The following SEMA3A variants were observed in gnomAD, a reference collection of about 807,000 sequenced individuals.
SEMA3A encodes the protein semaphorin 3A, also known as semaphorin-3A.
In SEMA3A, 29 loss-of-function variants were observed where a neutral mutation model predicts 97.9. That is an observed-to-expected ratio of 0.30 (90% CI 0.22 to 0.40). The LOEUF is 0.40. SEMA3A is among the 10% of genes least tolerant of loss of function. The pLI is 1.00. For missense variants in SEMA3A, 763 were observed against 951.3 expected (o/e 0.80, Z 2.60); for synonymous variants, 321 against 323.7 (o/e 0.99, Z 0.09).
chr7:84,229,053 G>A (rs1310828317), intron 3 of SEMA3A, among the ~76,000 whole-genome samples: 1 of 151,478 alleles, frequency 6.6e-6, no homozygotes, highest in Non-Finnish European at 1.5e-5. Context: ...TCTCCTTTTT[G>A]GTTTTTTGTC....
At chr7:84,455,040 T>G (rs916657372) in intron 1 of SEMA3A, among the ~76,000 whole-genome samples, 1 of 152,004 alleles carries the variant, frequency 6.6e-6, no homozygotes, top group African/African-American at 2.4e-5. Flanking sequence ...TCAATAGTTC[T>G]CATTTTATGA....
At chr7:84,369,668 T>A (rs1802930208) in intron 2 of SEMA3A, among the ~76,000 whole-genome samples, 1 of 150,834 alleles carries the variant, frequency 6.6e-6, no homozygotes, top group Admixed American at 6.7e-5. Flanking sequence ...ATCTAGTATA[T>A]TTCAGGTGAA....
intron 6 of SEMA3A, among the ~76,000 whole-genome samples, chr7:84,034,466 C>T (rs1393478685): frequency 6.6e-6 from 1 of 152,124 alleles, no homozygotes; most frequent in Non-Finnish European, 1.5e-5. Flanking sequence ...TTACAACTAA[C>T]TTTTTGCAGA....
At chr7:84,293,518 T>A (rs1013724731) in intron 3 of SEMA3A, among the ~76,000 whole-genome samples, 1 of 152,012 alleles carries the variant, frequency 6.6e-6, no homozygotes, top group African/African-American at 2.4e-5. Context: ...AATTTTCAGA[T>A]GCAAAAAATA....
chr7:84,230,269 C>T (rs1799089316), intron 3 of SEMA3A, among the ~76,000 whole-genome samples: 1 of 151,842 alleles, frequency 6.6e-6, no homozygotes. Context: ...TTTTTCTTTT[C>T]AGTCTAACAA....
intron 1 of SEMA3A, among the ~76,000 whole-genome samples, chr7:84,141,803 T>G (rs1045241311): frequency 5.9e-5 from 9 of 152,204 alleles, no homozygotes; most frequent in African/African-American, 2.2e-4. Flanking sequence ...TTTCTGTTCC[T>G]GCATTAGTTT....
chr7:84,237,600 T>A (rs552744811), intron 3 of SEMA3A, among the ~76,000 whole-genome samples: 1 of 152,072 alleles, frequency 6.6e-6, no homozygotes, highest in Non-Finnish European at 1.5e-5. Context: ...GATACTATTA[T>A]TGTCTTTATT....
At chr7:84,422,468 G>C (rs1412245158) in intron 1 of SEMA3A, among the ~76,000 whole-genome samples, 6 of 151,764 alleles carry the variant, frequency 4.0e-5, no homozygotes, top group African/African-American at 7.3e-5. Flanking sequence ...CAAAAAACCA[G>C]CTCCTAGATT....
chr7:84,093,172 T>G (rs3801619), intron 4 of SEMA3A, among the ~76,000 whole-genome samples: 62,412 of 151,610 alleles, frequency 0.41, 14,646 homozygotes, highest in Admixed American at 0.52. Context: ...ACCATGTAAC[T>G]TTTTGCACAA....
At chr7:84,179,939 T>A (rs1797686511) in intron 1 of SEMA3A, among the ~76,000 whole-genome samples, 1 of 145,234 alleles carries the variant, frequency 6.9e-6, no homozygotes, top group East Asian at 2.0e-4. Flanking sequence ...GTATGTTTAG[T>A]CAATGCATCT....
At chr7:84,443,556 G>T (rs1399488195) in intron 1 of SEMA3A, among the ~76,000 whole-genome samples, 1 of 152,098 alleles carries the variant, frequency 6.6e-6, no homozygotes, top group African/African-American at 2.4e-5. Context: ...AGACTGTAAG[G>T]TGAATGACTC....
chr7:84,443,979 T>C lies in SEMA3A; in HGVS notation c.-246+48481A>G, dbSNP rs546588449. 2.1e-4 allele frequency among the ~76,000 whole-genome samples: 31 copies of C among 145,648 alleles called. 2 individuals carry two copies. The South Asian group carries it at 6.3e-3, about 29-fold the overall frequency. Reference sequence around the variant, plus strand: ...TTGGCTCCCTTCAACCTCCACCTCCTGGGTTCAAGCGATTCTCCTGCCTCA... The same window carrying C: ...TTGGCTCCCTTCAACCTCCACCTCCCGGGTTCAAGCGATTCTCCTGCCTCA... On this transcript the variant is annotated intron_variant, in intron 1 of 3. Transcript: ENST00000424555.
chr7:84,428,529 T>C (rs933879364), intron 1 of SEMA3A, among the ~76,000 whole-genome samples: 1 of 152,086 alleles, frequency 6.6e-6, no homozygotes, highest in Non-Finnish European at 1.5e-5. Flanking sequence ...CAAGCTTTTT[T>C]TGTATATTTT....
chr7:84,166,574 A>G (rs1437817277), intron 1 of SEMA3A, among the ~76,000 whole-genome samples: 2 of 147,640 alleles, frequency 1.4e-5, no homozygotes, highest in African/African-American at 5.0e-5. Context: ...TCCGTCAAAA[A>G]AAAAAAAAAA....
At chr7:84,103,054 T>C (rs1236633037) in intron 4 of SEMA3A, among the ~76,000 whole-genome samples, 1 of 152,166 alleles carries the variant, frequency 6.6e-6, no homozygotes, top group African/African-American at 2.4e-5. Flanking sequence ...GTTATAGCAA[T>C]GCAACATGAC....
rs1789707420 is a variant in SEMA3A, at chr7:83,987,980, A to G, written c.1453-2503T>C. On this transcript the variant is annotated intron_variant, in intron 12 of 16. Coordinates refer to ENST00000265362, the MANE Select transcript of SEMA3A (RefSeq NM_006080.3). ...CACCAGTGAACTGTGTATTGCTGAT[A>G]GGACACTTTTCTGTATCCATAACTA... 2.6e-5 allele frequency among the ~76,000 whole-genome samples: 4 copies of G among 152,342 alleles called. No individual in the cohort carries two copies. In the South Asian group the frequency reaches 8.3e-4, roughly 32 times the overall value.
intron 13 of SEMA3A, among the ~76,000 whole-genome samples, chr7:83,983,023 AAAATG>A (rs1195719651): frequency 2.0e-5 from 3 of 152,170 alleles, no homozygotes; most frequent in Admixed American, 6.5e-5. Flanking sequence ...CTAAATGGAA[AAAATG>A]AAATTATAGC....
At chr7:84,049,092 T>C (rs532371920) in intron 5 of SEMA3A, among the ~76,000 whole-genome samples, 78 of 152,044 alleles carry the variant, frequency 5.1e-4, no homozygotes, top group Non-Finnish European at 9.4e-4. Context: ...AGGTATTCAG[T>C]AAAAGAGCTA....
chr7:84,320,564 T>C (rs1315226236), intron 2 of SEMA3A, among the ~76,000 whole-genome samples: 1 of 152,186 alleles, frequency 6.6e-6, no homozygotes, highest in Non-Finnish European at 1.5e-5. Context: ...TGAAATACAA[T>C]TTCATTTGCA....
Sources: allele counts gnomAD v4.1 joint callset (sites outside exome capture counted in the v4.1 genomes callset), GRCh38; gene constraint gnomAD v4.1.1; transcripts MANE v1.5; gene names NCBI Gene and HGNC (gene_info 2026-07-23, HGNC 2026-07-21).